Variants in CENPW observed in about 807,000 individuals in gnomAD.
CENPW encodes the protein centromere protein W, also known as cancer-up-regulated gene 2 protein.
A neutral mutation model predicts 11.1 loss-of-function variants in CENPW; 3 were observed. The ratio of observed to expected loss-of-function variants is 0.27; its 90% CI spans 0.12 to 0.70. CENPW has a LOEUF of 0.70. Among genes scored for constraint, CENPW ranks in the 30% least tolerant of loss-of-function variants. The pLI is 0.77. For missense variants in CENPW, 100 were observed against 105.6 expected, an observed-to-expected ratio of 0.95 and a Z score of 0.23; for synonymous variants, 38 against 42.0, an observed-to-expected ratio of 0.91 and a Z score of 0.37.
In CENPW at chr6:126,348,683, GA is replaced by G; in HGVS notation, c.*193del. 1 of 388,918 alleles carries G rather than the reference GA, an allele frequency of 2.6e-6. No individual in the cohort carries two copies. The highest frequency in any genetic ancestry group is 4.1e-5 in the East Asian group (1 of 24,262). 24.1% of individuals were successfully genotyped at this position (388,918 alleles called of 1,614,324 possible). On this transcript the variant is annotated 3_prime_UTR_variant, in exon 3 of 3. Transcript: ENST00000368328. ...ATAGGACTATTTAACCCTTTTATGG[GA>G]ATTACTATTATTTTTATTTTAAATG...
chr6:126,469,496 C>T, the CENPW span, among the ~76,000 whole-genome samples: 1 of 152,112 alleles, frequency 6.6e-6, no homozygotes, highest in Non-Finnish European at 1.5e-5. Context: ...TACAGAGTAT[C>T]GTTACTAACA....
At chr6:126,372,894 A>G in the CENPW span, among the ~76,000 whole-genome samples, 1 of 152,322 alleles carries the variant, frequency 6.6e-6, no homozygotes, top group East Asian at 1.9e-4. Flanking sequence ...TATAGATTCT[A>G]TGCCCTGGAG....
the CENPW span, among the ~76,000 whole-genome samples, chr6:126,403,243 T>C: frequency 6.6e-6 from 1 of 152,102 alleles, no homozygotes; most frequent in Non-Finnish European, 1.5e-5. Context: ...TTCAGTGGGC[T>C]GTAAGTATTT....
chr6:126,383,812 G>A, the CENPW span, among the ~76,000 whole-genome samples: 1 of 152,074 alleles, frequency 6.6e-6, no homozygotes, highest in East Asian at 1.9e-4. Context: ...TAGACTCCTA[G>A]ACAGTAATAC....
the CENPW span, among the ~76,000 whole-genome samples, chr6:126,408,812 T>C: frequency 1.3e-5 from 2 of 152,142 alleles, no homozygotes; most frequent in Non-Finnish European, 1.5e-5. Context: ...TTCTGTGGTA[T>C]CAATTATAAT....
chr6:126,345,412 G>A (rs1054234798), intron 1 of CENPW, among the ~76,000 whole-genome samples: 5 of 151,806 alleles, frequency 3.3e-5, no homozygotes, highest in Non-Finnish European at 5.9e-5. Context: ...ATTTTTGATA[G>A]TTTACTACCC....
chr6:126,359,335 A>G, the CENPW span, among the ~76,000 whole-genome samples: 15 of 150,948 alleles, frequency 9.9e-5, no homozygotes, highest in Non-Finnish European at 2.2e-4. Flanking sequence ...GACTTTCTTT[A>G]TGACAGCGTG....
the CENPW span, among the ~76,000 whole-genome samples, chr6:126,429,694 G>A: frequency 6.6e-6 from 1 of 152,066 alleles, no homozygotes; most frequent in African/African-American, 2.4e-5. Context: ...TGCAAGAATG[G>A]CCTAATACAA....
At chr6:126,346,838 C>T (rs985000692) in intron 2 of CENPW, among the ~76,000 whole-genome samples, 1 of 152,088 alleles carries the variant, frequency 6.6e-6, no homozygotes, top group Non-Finnish European at 1.5e-5. Flanking sequence ...GAAAGCCAAA[C>T]CATATCACCA....
At chr6:126,426,491 C>T in the CENPW span, among the ~76,000 whole-genome samples, 1 of 151,848 alleles carries the variant, frequency 6.6e-6, no homozygotes, top group Non-Finnish European at 1.5e-5. Context: ...CTTTTTTTAG[C>T]TGGAAGATAT....
the CENPW span, among the ~76,000 whole-genome samples, chr6:126,455,273 G>T: frequency 6.6e-6 from 1 of 150,746 alleles, no homozygotes; most frequent in Non-Finnish European, 1.5e-5. Flanking sequence ...AAAATCAGGA[G>T]AATATTCTTG....
chr6:126,408,563 C>T, the CENPW span, among the ~76,000 whole-genome samples: 1 of 151,780 alleles, frequency 6.6e-6, no homozygotes, highest in Non-Finnish European at 1.5e-5. Context: ...ACAACCAAAC[C>T]ATATCAACCC....
the CENPW span, among the ~76,000 whole-genome samples, chr6:126,429,710 AT>A: frequency 1.3e-5 from 2 of 152,158 alleles, no homozygotes; most frequent in African/African-American, 4.8e-5. Flanking sequence ...TACAATTTGC[AT>A]TTCTTTGCTA....
downstream of CENPW, among the ~76,000 whole-genome samples, chr6:126,353,201 C>T (rs1470172328): frequency 1.3e-5 from 2 of 149,540 alleles, no homozygotes; most frequent in South Asian, 2.1e-4. Context: ...ATTTCTTTAA[C>T]AATTTTATAT....
the CENPW span, among the ~76,000 whole-genome samples, chr6:126,451,732 C>T: frequency 2.0e-5 from 3 of 150,924 alleles, no homozygotes; most frequent in Non-Finnish European, 3.0e-5. Context: ...TGCCACTTAG[C>T]TCTACATATG....
At chr6:126,430,298 T>G in the CENPW span, among the ~76,000 whole-genome samples, 3 of 152,228 alleles carry the variant, frequency 2.0e-5, no homozygotes, top group African/African-American at 7.2e-5. Flanking sequence ...ACAATTTGGC[T>G]TTATAACTCT....
At chr6:126,372,792 C>T in the CENPW span, among the ~76,000 whole-genome samples, 1 of 152,120 alleles carries the variant, frequency 6.6e-6, no homozygotes, top group Non-Finnish European at 1.5e-5. Context: ...AAAAAAACAG[C>T]AATAAACTTG....
the CENPW span, among the ~76,000 whole-genome samples, chr6:126,379,417 A>G: frequency 6.6e-6 from 1 of 152,190 alleles, no homozygotes; most frequent in African/African-American, 2.4e-5. Flanking sequence ...TCTTACTAAT[A>G]CTTGAGTGTG....
chr6:126,368,292 T>C, the CENPW span, among the ~76,000 whole-genome samples: 1 of 152,204 alleles, frequency 6.6e-6, no homozygotes, highest in African/African-American at 2.4e-5. Context: ...TAGACCACCA[T>C]TAGCTGCATT....
Sources: gnomAD v4.1 joint callset for allele counts (sites outside exome capture counted in the v4.1 genomes callset) on GRCh38, gnomAD v4.1.1 for gene constraint, MANE v1.5 for transcripts, NCBI Gene and HGNC (gene_info 2026-07-23, HGNC 2026-07-21) for gene names.